The following CAST variants were observed in gnomAD, a reference collection of about 807,000 sequenced individuals.
CAST encodes the protein calpastatin.
CAST carries 76 observed loss-of-function variants against 119.6 expected under a neutral mutation model. The ratio of observed to expected loss-of-function variants is 0.64; its 90% confidence interval spans 0.53 to 0.77. CAST has a LOEUF of 0.77. Among genes scored for constraint, CAST ranks in the 30% least tolerant of loss-of-function variants. CAST has a pLI of 0.00. For missense variants in CAST, 953 were observed against 946.5 expected (o/e 1.01, Z -0.09); for synonymous variants, 319 against 331.6 (o/e 0.96, Z 0.41).
At chr5:96,767,674 A>G (rs1197132497) in intron 28 of CAST, among the ~76,000 whole-genome samples, 192 bp downstream of exon 28, 1 of 152,194 alleles carries the variant, frequency 6.6e-6, no homozygotes, top group Non-Finnish European at 1.5e-5. Flanking sequence ...TAGGGTGGAA[A>G]ACTGAGGCTC....
intron 1 of CAST, among the ~76,000 whole-genome samples, chr5:96,640,601 T>C (rs958976140): frequency 1.3e-5 from 2 of 151,882 alleles, no homozygotes; most frequent in African/African-American, 4.8e-5. Flanking sequence ...TCAACACCTA[T>C]GGAAGGGAAG....
At chr5:96,354,073 AT>A in the CAST span, among the ~76,000 whole-genome samples, 2 of 152,182 alleles carry the variant, frequency 1.3e-5, no homozygotes, top group African/African-American at 4.8e-5. Flanking sequence ...CATTCAATAC[AT>A]TGGTAAACTT....
At chr5:96,761,352 G>A (rs1442010106) in intron 24 of CAST, 1 of 152,064 alleles carries the variant, frequency 6.6e-6, no homozygotes, top group Non-Finnish European at 1.5e-5. Context: ...ATTTAATTTA[G>A]TACATTTTGG....
At chr5:96,372,082 G>A in the CAST span, among the ~76,000 whole-genome samples, 6 of 152,182 alleles carry the variant, frequency 3.9e-5, no homozygotes, top group Middle Eastern at 3.4e-3. Context: ...ATGAAGCAAC[G>A]TTCACCCCAA....
At chr5:96,601,770 C>T (rs571077075) in intron 1 of CAST, among the ~76,000 whole-genome samples, 141 of 152,270 alleles carry the variant, frequency 9.3e-4, no homozygotes, top group African/African-American at 3.3e-3. Flanking sequence ...AAAGCTAACA[C>T]CCTTATCATA....
intron 16 of CAST, among the ~76,000 whole-genome samples, chr5:96,744,207 T>C (rs545233860): frequency 1.3e-5 from 2 of 152,296 alleles, no homozygotes; most frequent in Non-Finnish European, 2.9e-5. Flanking sequence ...TCTTTTCCAC[T>C]CTTATGACAT....
the CAST span, among the ~76,000 whole-genome samples, chr5:96,287,819 C>T: frequency 2.6e-5 from 4 of 151,724 alleles, no homozygotes; most frequent in Non-Finnish European, 5.9e-5. Context: ...TATATGTTGT[C>T]TCATGACAGA....
chr5:96,770,329 TA>T, intron 29 of CAST: 1 of 535,954 alleles, frequency 1.9e-6, no homozygotes, highest in Admixed American at 3.1e-5. Flanking sequence ...TTTCCCTCCT[TA>T]TTTCTATCCT....
the CAST span, among the ~76,000 whole-genome samples, chr5:96,108,889 A>T: frequency 6.6e-6 from 1 of 152,256 alleles, no homozygotes; most frequent in African/African-American, 2.4e-5. Flanking sequence ...CCGTGGGCAT[A>T]GGACCCTCCA....
the CAST span, among the ~76,000 whole-genome samples, chr5:96,053,812 T>TA: frequency 6.6e-6 from 1 of 152,268 alleles, no homozygotes; most frequent in Non-Finnish European, 1.5e-5. Context: ...TACTGTCTTA[T>TA]AAAAGTAAAA....
chr5:96,573,359 G>A (rs970922269), intron 1 of CAST, among the ~76,000 whole-genome samples: 1 of 152,054 alleles, frequency 6.6e-6, no homozygotes, highest in East Asian at 1.9e-4. Flanking sequence ...AGCCAGACAT[G>A]GTGGCTCACA....
the CAST span, among the ~76,000 whole-genome samples, chr5:96,020,748 A>G: frequency 1.3e-5 from 2 of 152,156 alleles, no homozygotes; most frequent in African/African-American, 4.8e-5. Flanking sequence ...ATTATATATT[A>G]CAATGTGATA....
the CAST span, among the ~76,000 whole-genome samples, chr5:96,407,532 T>C: frequency 5.3e-5 from 8 of 152,212 alleles, no homozygotes; most frequent in East Asian, 1.3e-3. Context: ...GGCAGCATCT[T>C]GTCAATATAT....
chr5:96,366,043 C>T, the CAST span, among the ~76,000 whole-genome samples: 2 of 152,280 alleles, frequency 1.3e-5, no homozygotes, highest in East Asian at 1.9e-4. Context: ...AATCTCTCAG[C>T]ATTTGCTTGT....
the CAST span, among the ~76,000 whole-genome samples, chr5:96,151,229 T>A: frequency 6.6e-6 from 1 of 152,224 alleles, no homozygotes; most frequent in Non-Finnish European, 1.5e-5. Context: ...AGACAGCAGA[T>A]TCAAAGAGGC....
intron 20 of CAST, among the ~76,000 whole-genome samples, chr5:96,752,037 A>G (rs1217344211): frequency 6.6e-6 from 1 of 152,184 alleles, no homozygotes; most frequent in African/African-American, 2.4e-5. Context: ...GAGTGTAATA[A>G]AGGTCAGAGG....
chr5:96,372,797 T>C, the CAST span, among the ~76,000 whole-genome samples: 1 of 152,312 alleles, frequency 6.6e-6, no homozygotes, highest in East Asian at 1.9e-4. Flanking sequence ...CCTGGCTTTA[T>C]GGATATTTTC....
At chr5:96,514,113 A>G in the CAST span, among the ~76,000 whole-genome samples, 2 of 152,172 alleles carry the variant, frequency 1.3e-5, no homozygotes, top group Non-Finnish European at 2.9e-5. Flanking sequence ...CTTAATAACT[A>G]CACCTGCACT....
the CAST span, chr5:95,962,210 A>G: frequency 8.7e-6 from 2 of 228,950 alleles, no homozygotes; most frequent in Non-Finnish European, 1.7e-5. Context: ...CCTGTGGGGG[A>G]TAGTAGTGAA....
Sources: gnomAD v4.1 joint callset for allele counts (sites outside exome capture counted in the v4.1 genomes callset) on GRCh38, gnomAD v4.1.1 for gene constraint, MANE v1.5 for transcripts, NCBI Gene and HGNC (gene_info 2026-07-23, HGNC 2026-07-21) for gene names.